Variants in USP13 observed in about 807,000 individuals in gnomAD.
The protein encoded by USP13 is ubiquitin specific peptidase 13.
In USP13, 68 loss-of-function variants were observed where a neutral mutation model predicts 107.8. The observed-to-expected ratio is 0.63, with a 90% CI of 0.52 to 0.77. USP13 has a LOEUF of 0.77. USP13 is among the 30% of genes least tolerant of loss of function. The probability of loss-of-function intolerance (pLI) is 0.00; values close to 1 mark genes in which losing one functional copy is unlikely to be tolerated. For synonymous variants in USP13, 377 were observed against 389.5 expected (o/e 0.97, Z 0.38); for missense variants, 945 against 1,093.3 (o/e 0.86, Z 1.91).
In USP13 at chr3:179,784,538, C is replaced by T. The variant is rs1715861923; in HGVS notation, c.*397C>T. The T allele has an allele frequency of 6.3e-6, 1 of 158,784 alleles. No individual in the cohort carries two copies. Among genetic ancestry groups the T allele is most frequent in the African/African-American group, 2.4e-5 (1 of 41,566 alleles). 9.8% of individuals were successfully genotyped at this position (158,784 alleles called of 1,614,324 possible). A position where few individuals can be genotyped will look rare whatever the true frequency, so the allele number is the denominator to read the frequency against. On this transcript the variant is annotated 3_prime_UTR_variant, in exon 21 of 21. Coordinates refer to ENST00000263966, the MANE Select transcript of USP13 (RefSeq NM_003940.3). The stretch of plus-strand genomic sequence containing the variant: ...ATGTGGCCAGTGGTGTGGCCTTACC[C>T]ACAACAAATGAAAAGCCCACTTGTG...
chr3:179,769,235 A>C (rs1715273386), intron 19 of USP13, among the ~76,000 whole-genome samples: 1 of 152,196 alleles, frequency 6.6e-6, no homozygotes, highest in African/African-American at 2.4e-5. Context: ...ATGTATATAC[A>C]TCTATATTGT....
chr3:179,653,445 TGAAGCCG>T lies in USP13; in HGVS notation c.168+54_168+60del. On this transcript the variant is annotated intron_variant, in intron 1 of 20. Transcript: ENST00000263966. The surrounding 1 kb of genome is among the most constrained non-coding windows in gnomAD (Gnocchi z 4.0). ...CGCGGGGCCGGCGGCCTGCGGCACGTGAAGCCGGGGGAGAAGATGCGCAGTGGCGGCC... is the reference window on the plus strand; with the variant it reads ...CGCGGGGCCGGCGGCCTGCGGCACGTGGGGAGAAGATGCGCAGTGGCGGCC... 1 of 1,529,236 alleles carries T rather than the reference TGAAGCCG, an allele frequency of 6.5e-7. No individual in the cohort carries two copies. The highest frequency in any genetic ancestry group is 8.8e-7 in the Non-Finnish European group (1 of 1,134,242). The allele number at this position is 1,529,236 out of a possible 1,614,324, so 94.7% of individuals were successfully genotyped here.
intron 17 of USP13, 109 bp downstream of exon 17, chr3:179,761,364 A>G (rs1166719964): frequency 1.4e-6 from 2 of 1,382,834 alleles, no homozygotes; most frequent in East Asian, 2.4e-5. Flanking sequence ...AAATGACTTT[A>G]TAGTTCCTAA....
At chr3:179,668,448 G>T (rs1345325156) in intron 1 of USP13, among the ~76,000 whole-genome samples, 2 of 152,204 alleles carry the variant, frequency 1.3e-5, no homozygotes, top group African/African-American at 4.8e-5. Flanking sequence ...CAATGGATCT[G>T]CTGTTGAAAC....
At chr3:179,741,404 C>T (rs1714195260) in intron 11 of USP13, among the ~76,000 whole-genome samples, 2 of 152,122 alleles carry the variant, frequency 1.3e-5, no homozygotes, top group South Asian at 4.1e-4. Flanking sequence ...CACATGTCTG[C>T]TCAGGTCCAT....
chr3:179,653,611 C>T lies in USP13; in HGVS notation c.168+218C>T. 5 of 622,956 alleles carry T rather than the reference C, an allele frequency of 8.0e-6. No homozygotes were observed. Among genetic ancestry groups the T allele is most frequent in the South Asian group, 2.2e-5 (1 of 46,378 alleles). 38.6% of individuals were successfully genotyped at this position (622,956 alleles called of 1,614,324 possible). A position where few individuals can be genotyped will look rare whatever the true frequency, so the allele number is the denominator to read the frequency against. ...TGGTGGTTTTGCTCCGCCAGCCTCC[C>T]CAGGCTGGAAGGGCCCGATTCCCAG... On this transcript the variant is annotated intron_variant, in intron 1 of 20. Coordinates refer to ENST00000263966, the MANE Select transcript of USP13 (RefSeq NM_003940.3). This position sits in a 1 kb window ranked among gnomAD's most constrained non-coding sequence, Gnocchi z 4.0.
chr3:179,713,555 C>T (rs1417253109), intron 6 of USP13, among the ~76,000 whole-genome samples: 1 of 152,116 alleles, frequency 6.6e-6, no homozygotes, highest in Admixed American at 6.5e-5. Context: ...GAAGTTTCCA[C>T]TGCTGAGGGT....
At chr3:179,763,274 AAAT>A (rs1459316268) in intron 17 of USP13, among the ~76,000 whole-genome samples, 1 of 152,124 alleles carries the variant, frequency 6.6e-6, no homozygotes, top group Non-Finnish European at 1.5e-5. Flanking sequence ...TTTGTGTTGT[AAAT>A]AAGAAACCAT....
intron 6 of USP13, among the ~76,000 whole-genome samples, chr3:179,711,894 C>T (rs540519135): frequency 2.0e-4 from 30 of 152,242 alleles, no homozygotes; most frequent in African/African-American, 6.3e-4. Context: ...ATGTACTGTA[C>T]GTAAAACCAT....
chr3:179,775,019 T>C (rs952193394), intron 19 of USP13, among the ~76,000 whole-genome samples: 2 of 152,212 alleles, frequency 1.3e-5, no homozygotes, highest in Non-Finnish European at 2.9e-5. Flanking sequence ...AGAGTGCTGA[T>C]TGGTGCCTTT....
At chr3:179,739,362 A>G (rs906373537) in intron 10 of USP13, among the ~76,000 whole-genome samples, 2 of 152,138 alleles carry the variant, frequency 1.3e-5, no homozygotes, top group Admixed American at 1.3e-4. Context: ...AAGCTCCTGG[A>G]ACTCCCTGTG....
At chr3:179,728,236 C>T (rs1576957885) in intron 8 of USP13, among the ~76,000 whole-genome samples, 1 of 149,774 alleles carries the variant, frequency 6.7e-6, no homozygotes, top group East Asian at 2.0e-4. Flanking sequence ...GAGGTGGCTG[C>T]CGGGCAGAGA....
At chr3:179,741,308 C>A (rs1714191847) in intron 11 of USP13, among the ~76,000 whole-genome samples, 1 of 152,088 alleles carries the variant, frequency 6.6e-6, no homozygotes, top group South Asian at 2.1e-4. Flanking sequence ...CTCCGCCTTG[C>A]AGGTTCAAGT....
intron 9 of USP13, 86 bp from the exon 10 acceptor site, chr3:179,730,530 T>C: frequency 8.9e-7 from 1 of 1,127,086 alleles, no homozygotes; most frequent in Non-Finnish European, 1.3e-6. Flanking sequence ...ACAGCAGTTG[T>C]ACTTATTGAT....
At chr3:179,684,830 G>T (rs1711811976) in intron 2 of USP13, among the ~76,000 whole-genome samples, 1 of 147,886 alleles carries the variant, frequency 6.8e-6, no homozygotes, top group African/African-American at 2.5e-5. Flanking sequence ...TTTTTTTCCA[G>T]AATTTTCCTG....
chr3:179,727,692 A>G (rs1416799725), intron 8 of USP13, among the ~76,000 whole-genome samples: 1 of 70,690 alleles, frequency 1.4e-5, no homozygotes, highest in African/African-American at 4.7e-5. Flanking sequence ...TACACCTCCC[A>G]GACGGGGTGG....
chr3:179,679,159 A>G (rs1487871234), intron 1 of USP13, among the ~76,000 whole-genome samples: 1 of 152,176 alleles, frequency 6.6e-6, no homozygotes, highest in Non-Finnish European at 1.5e-5. Flanking sequence ...AACAATCTTT[A>G]TTGGAGTTTT....
chr3:179,784,197 A>G lies in USP13; in HGVS notation c.*56A>G. On this transcript the variant is annotated 3_prime_UTR_variant, in exon 21 of 21. Transcript: ENST00000263966. ...CCATACGCCTTTTTAATTTGCCAAA[A>G]AAAAAAAGAAGAAGAAGAAGTTGAA... 4 of 1,346,548 alleles carry G rather than the reference A, an allele frequency of 3.0e-6. No individual in the cohort carries two copies. Among genetic ancestry groups the G allele is most frequent in the Non-Finnish European group, 2.1e-6 (2 of 963,548 alleles). 83.4% of individuals were successfully genotyped at this position (1,346,548 alleles called of 1,614,324 possible). A position where few individuals can be genotyped will look rare whatever the true frequency, so the allele number is the denominator to read the frequency against.
chr3:179,781,605 G>A, intron 19 of USP13, 134 bp from the exon 20 acceptor site: 1 of 671,504 alleles, frequency 1.5e-6, no homozygotes. Flanking sequence ...TGTCAACATA[G>A]CAAGGTAAAT....
Sources: gnomAD v4.1 joint callset for allele counts (sites outside exome capture counted in the v4.1 genomes callset) on GRCh38, gnomAD v4.1.1 for gene constraint, Gnocchi (gnomAD v3.1) non-coding constraint, MANE v1.5 for transcripts, NCBI Gene and HGNC (gene_info 2026-07-23, HGNC 2026-07-21) for gene names.